Variants in FAM124A observed in about 807,000 individuals in gnomAD.
The protein encoded by FAM124A is family with sequence similarity 124 member A.
A neutral mutation model predicts 24.5 loss-of-function variants in FAM124A; 23 were observed. The ratio of observed to expected loss-of-function variants is 0.94; its 90% CI spans 0.68 to 1.33. FAM124A has a LOEUF of 1.33. Among genes scored for constraint, FAM124A ranks in the 40% most tolerant of loss-of-function variants. FAM124A has a pLI of 0.00. For synonymous variants in FAM124A, 287 were observed against 314.7 expected (o/e 0.91, Z 0.93); for missense variants, 623 against 722.8 (o/e 0.86, Z 1.58).
chr13:51,223,754 G>C (rs1489156110), intron 1 of FAM124A, among the ~76,000 whole-genome samples: 1 of 152,200 alleles, frequency 6.6e-6, no homozygotes, highest in Non-Finnish European at 1.5e-5. Flanking sequence ...TAATCTGGTG[G>C]AGTAACCTGA....
chr13:51,223,868 G>A (rs534497186), intron 1 of FAM124A, among the ~76,000 whole-genome samples: 1 of 152,262 alleles, frequency 6.6e-6, no homozygotes, highest in African/African-American at 2.4e-5. Flanking sequence ...TAGTTAGCTG[G>A]ACCATGAATA....
At chr13:51,248,156 C>T (rs1954583605) in intron 2 of FAM124A, among the ~76,000 whole-genome samples, 1 of 152,198 alleles carries the variant, frequency 6.6e-6, no homozygotes. Context: ...TCCTGGAAGT[C>T]ATTTGGGCAT....
intron 3 of FAM124A, among the ~76,000 whole-genome samples, chr13:51,255,632 C>T (rs1954667142): frequency 6.6e-6 from 1 of 152,208 alleles, no homozygotes; most frequent in Non-Finnish European, 1.5e-5. Context: ...GTCCCCCCAG[C>T]ATCTCACATG....
chr13:51,236,614 G>T (rs936928241), intron 2 of FAM124A, among the ~76,000 whole-genome samples: 1 of 152,172 alleles, frequency 6.6e-6, no homozygotes, highest in Non-Finnish European at 1.5e-5. Context: ...TCACCAATGC[G>T]GAATATGTGA....
At chr13:51,234,900 C>T (rs911573701) in intron 2 of FAM124A, among the ~76,000 whole-genome samples, 2 of 152,080 alleles carry the variant, frequency 1.3e-5, no homozygotes, top group Non-Finnish European at 1.5e-5. Flanking sequence ...CCTTTTTGTG[C>T]CCCTCCCCTC....
chr13:51,263,077 C>G (rs897480426), intron 3 of FAM124A, among the ~76,000 whole-genome samples: 1 of 152,202 alleles, frequency 6.6e-6, no homozygotes, highest in African/African-American at 2.4e-5. Context: ...ACTAGGGGGC[C>G]TCTCACTCTG....
At chr13:51,274,892 A>G (rs746527777) in intron 3 of FAM124A, among the ~76,000 whole-genome samples, 60 of 152,330 alleles carry the variant, frequency 3.9e-4, no homozygotes, top group Admixed American at 4.6e-4. Context: ...CAGTTCCTCT[A>G]AATATATCAA....
intron 1 of FAM124A, among the ~76,000 whole-genome samples, chr13:51,231,093 G>A (rs1954371757): frequency 6.6e-6 from 1 of 152,126 alleles, no homozygotes; most frequent in South Asian, 2.1e-4. Flanking sequence ...ACCTTTAGAT[G>A]GCTTCTTCCA....
In FAM124A at chr13:51,280,922, G is replaced by A. The variant is rs1954930205; in HGVS notation, c.1307G>A (p.Arg436Lys). 1 of 1,614,022 alleles carries A rather than the reference G, an allele frequency of 6.2e-7. No homozygotes were observed. Among genetic ancestry groups the A allele is most frequent in the South Asian group, 1.1e-5 (1 of 91,080 alleles). The change falls in exon 4 of 4, where the codon AGG becomes AAG. Residue 436 changes from arginine to lysine, a missense_variant. Physicochemically the swap from Arg to Lys is conservative, Grantham distance 26 (BLOSUM62 2). Coordinates refer to ENST00000322475, the MANE Select transcript of FAM124A (RefSeq NM_001242312.2). ...GTCTCTGCATATTCTGCACCCAGTA[G>A]GTTCTGCAGCACAGTGGAGACACCC... The part of the protein sequence containing the change: ...SVVSAYSAPS[R>K]FCSTVETPLP...
intron 3 of FAM124A, among the ~76,000 whole-genome samples, chr13:51,260,294 T>TGA (rs1954721823): frequency 3.3e-5 from 5 of 152,130 alleles, no homozygotes; most frequent in Admixed American, 2.6e-4. Flanking sequence ...CATGTGACTG[T>TGA]GAGAGAGCCC....
chr13:51,230,571 A>G (rs945423937), intron 1 of FAM124A, among the ~76,000 whole-genome samples: 1 of 152,242 alleles, frequency 6.6e-6, no homozygotes, highest in Non-Finnish European at 1.5e-5. Flanking sequence ...AGTAGCTTCC[A>G]TATCAAATTT....
chr13:51,226,811 G>T (rs1313172136), intron 1 of FAM124A, among the ~76,000 whole-genome samples: 1 of 152,214 alleles, frequency 6.6e-6, no homozygotes, highest in Non-Finnish European at 1.5e-5. Flanking sequence ...ACAAGAGCCA[G>T]CCTGCTTGCA....
At chr13:51,257,506 C>T (rs576253495) in intron 3 of FAM124A, among the ~76,000 whole-genome samples, 4 of 152,188 alleles carry the variant, frequency 2.6e-5, no homozygotes, top group Non-Finnish European at 4.4e-5. Flanking sequence ...TGCTTATGTG[C>T]GTCATCATAA....
intron 2 of FAM124A, among the ~76,000 whole-genome samples, chr13:51,235,986 G>A (rs879168708): frequency 1.3e-5 from 2 of 152,168 alleles, no homozygotes; most frequent in African/African-American, 2.4e-5. Flanking sequence ...TCAGATTCCT[G>A]CCCTCTTCCA....
chr13:51,240,917 A>G (rs116439832), intron 2 of FAM124A, among the ~76,000 whole-genome samples: 2,267 of 152,292 alleles, frequency 0.015, 56 homozygotes, highest in African/African-American at 0.052. Flanking sequence ...ATTTTCATCA[A>G]GTTCCTTCCA....
intron 1 of FAM124A, 43 bp downstream of exon 1, chr13:51,222,612 G>A (rs1954272605): frequency 3.3e-6 from 4 of 1,215,894 alleles, no homozygotes; most frequent in Non-Finnish European, 4.1e-6. Context: ...GGCGCTCTCC[G>A]AGTTGCGCGG....
intron 2 of FAM124A, among the ~76,000 whole-genome samples, chr13:51,242,654 G>T (rs1954510658): frequency 6.6e-6 from 1 of 152,092 alleles, no homozygotes; most frequent in South Asian, 2.1e-4. Context: ...TCAGAATGAT[G>T]GACCTGAATG....
At position 51,251,578 on chromosome 13, in the gene FAM124A, T is replaced by G. The variant is rs1275282143; in HGVS notation, c.211T>G (p.Trp71Gly). ...LQEAIDNVLA[W>G]IHPDLPLFRV... ...GGAGGCCATCGACAACGTCCTGGCG[T>G]GGATCCACCCCGACCTCCCGCTGTT... Residue 71 changes from tryptophan to glycine, a missense_variant, in exon 3 of 4, where the codon TGG becomes GGG. Transcript: ENST00000322475. The surrounding 1 kb of genome is among the most constrained non-coding windows in gnomAD (Gnocchi z 5.3). 1 of 1,555,700 alleles carries G rather than the reference T, an allele frequency of 6.4e-7. No homozygotes were observed. Among genetic ancestry groups the G allele is most frequent in the South Asian group, 1.2e-5 (1 of 82,190 alleles).
intron 2 of FAM124A, among the ~76,000 whole-genome samples, chr13:51,249,192 G>A (rs1954595415): frequency 6.6e-6 from 1 of 152,186 alleles, no homozygotes; most frequent in African/African-American, 2.4e-5. Flanking sequence ...GATGTGTTCT[G>A]CCTTTACCCT....
Sources: gnomAD v4.1 joint callset for allele counts (sites outside exome capture counted in the v4.1 genomes callset) on GRCh38, gnomAD v4.1.1 for gene constraint, Gnocchi (gnomAD v3.1) non-coding constraint, MANE v1.5 for transcripts, NCBI Gene and HGNC (gene_info 2026-07-23, HGNC 2026-07-21) for gene names.